NAALADL2: variants seen among roughly 807,000 people sequenced by gnomAD.
NAALADL2 encodes the protein inactive N-acetylated-alpha-linked acidic dipeptidase-like protein 2.
In NAALADL2, 76 loss-of-function variants were observed where a neutral mutation model predicts 87.2. That is an observed-to-expected ratio of 0.87 (90% CI 0.72 to 1.05). The LOEUF is 1.05. NAALADL2 is among the 50% of genes least tolerant of loss of function. The probability of loss-of-function intolerance (pLI) is 0.00; values close to 1 mark genes in which losing one functional copy is unlikely to be tolerated. For missense variants in NAALADL2, 1,089 were observed against 945.8 expected (o/e 1.15, Z -1.99); for synonymous variants, 354 against 331.0 (o/e 1.07, Z -0.75).
intron 1 of NAALADL2, among the ~76,000 whole-genome samples, chr3:174,958,478 T>G (rs1242098092): frequency 6.6e-6 from 1 of 152,004 alleles, no homozygotes; most frequent in Non-Finnish European, 1.5e-5. Flanking sequence ...ATCACCACTT[T>G]TATCCATCCC....
chr3:174,797,305 C>CTTTTTCTTTTTTTTTT (rs1718237636), intron 3 of NAALADL2, among the ~76,000 whole-genome samples: 1 of 72,720 alleles, frequency 1.4e-5, no homozygotes, highest in Non-Finnish European at 2.4e-5. Flanking sequence ...TTTCTTTTTT[C>CTTTTTCTTTTTTTTTT]TTTTTTTTTT....
intron 2 of NAALADL2, among the ~76,000 whole-genome samples, chr3:175,118,615 T>G (rs1215037311): frequency 6.6e-6 from 1 of 151,702 alleles, no homozygotes; most frequent in African/African-American, 2.4e-5. Context: ...GTTGTCTCTT[T>G]TATTCAATAC....
At chr3:175,438,520 G>A (rs1719138085) in intron 5 of NAALADL2, among the ~76,000 whole-genome samples, 1 of 152,086 alleles carries the variant, frequency 6.6e-6, no homozygotes, top group Non-Finnish European at 1.5e-5. Context: ...TTCAATTGAT[G>A]TTTGGGTCAT....
chr3:174,568,716 T>C (rs1016525618), intron 2 of NAALADL2, among the ~76,000 whole-genome samples: 1 of 151,806 alleles, frequency 6.6e-6, no homozygotes, highest in African/African-American at 2.4e-5. Flanking sequence ...TGTAAGTCCA[T>C]ATGGGGAGGA....
At chr3:175,267,770 A>T (rs1206530084) in intron 4 of NAALADL2, among the ~76,000 whole-genome samples, 1 of 152,124 alleles carries the variant, frequency 6.6e-6, no homozygotes, top group Non-Finnish European at 1.5e-5. Context: ...CTTAAAATGA[A>T]TTTCCAACCT....
chr3:174,884,945 A>T (rs376024241), intron 1 of NAALADL2, among the ~76,000 whole-genome samples: 6 of 152,084 alleles, frequency 3.9e-5, no homozygotes, highest in Non-Finnish European at 8.8e-5. Flanking sequence ...AAACTGCCTC[A>T]GGGGAGGCCA....
rs35861742 is a variant in NAALADL2 at position 174,450,020 on chromosome 3, T to TACAC, written c.-184+9012_-184+9015dup. The stretch of plus-strand genomic sequence containing the variant: ...CACATATATATACACAACACATACA[T>TACAC]ACACACACACACACACACACACACA... On this transcript the variant is annotated intron_variant, in intron 1 of 3. Coordinates refer to the NAALADL2 transcript ENST00000434257. Among the ~76,000 whole-genome samples, 550 of 148,886 alleles carry TACAC rather than the reference T, an allele frequency of 3.7e-3. 1 individual carries two copies. Among genetic ancestry groups the TACAC allele is most frequent in the Non-Finnish European group, 4.2e-3 (280 of 66,870 alleles).
At chr3:174,960,036 G>T (rs573240797) in intron 1 of NAALADL2, among the ~76,000 whole-genome samples, 1 of 152,160 alleles carries the variant, frequency 6.6e-6, no homozygotes, top group East Asian at 1.9e-4. Flanking sequence ...TGGGAGTCTT[G>T]TGGGGGCAAA....
intron 1 of NAALADL2, among the ~76,000 whole-genome samples, chr3:174,503,655 A>G (rs1180246478): frequency 6.6e-6 from 1 of 152,140 alleles, no homozygotes; most frequent in Non-Finnish European, 1.5e-5. Context: ...TAGAAATGCT[A>G]TGCATGCAAT....
chr3:175,627,321 T>C lies in NAALADL2; in HGVS notation c.1831T>C (p.Ser611Pro), dbSNP rs1367918632. Reference sequence around the variant, plus strand: ...AAGTTTTCTCTCCGAGGCCCGTTTTTCTACACGAGCAACAAAAATTGAAGA... The same window carrying C: ...AAGTTTTCTCTCCGAGGCCCGTTTTCCTACACGAGCAACAAAAATTGAAGA... Reference protein sequence around the residue: ...GPSFLSEARFSTRATKIEEMD... With the variant: ...GPSFLSEARFPTRATKIEEMD... Residue 611 changes from serine to proline, a missense_variant, in exon 11 of 14, where the codon TCT (serine) becomes CCT (proline). Coordinates refer to ENST00000454872, the MANE Select transcript of NAALADL2 (RefSeq NM_207015.3). 6.4e-7 allele frequency: 1 copy of C among 1,571,818 alleles called. No individual in the cohort carries two copies. The highest frequency in any genetic ancestry group is 1.8e-5 in the Admixed American group (1 of 54,684).
intron 2 of NAALADL2, among the ~76,000 whole-genome samples, chr3:175,100,754 G>A (rs9816732): frequency 0.22 from 32,771 of 150,028 alleles, 4,853 homozygotes; most frequent in African/African-American, 0.42. Flanking sequence ...AGGGAGAATC[G>A]CTTGAACTCG....
intron 1 of NAALADL2, among the ~76,000 whole-genome samples, chr3:174,989,474 G>T (rs1055470419): frequency 1.3e-5 from 2 of 152,126 alleles, no homozygotes; most frequent in African/African-American, 4.8e-5. Flanking sequence ...AGAAAATATT[G>T]TAATGAACAA....
intron 10 of NAALADL2, among the ~76,000 whole-genome samples, chr3:175,598,877 G>A (rs1722585487): frequency 6.6e-6 from 1 of 152,074 alleles, no homozygotes; most frequent in African/African-American, 2.4e-5. Flanking sequence ...AATTCCCCTG[G>A]ACACTCGTTT....
chr3:175,384,375 T>C (rs1435049611), intron 5 of NAALADL2, among the ~76,000 whole-genome samples: 4 of 152,088 alleles, frequency 2.6e-5, no homozygotes, highest in African/African-American at 9.6e-5. Context: ...TTTCTTGGAA[T>C]GTTATATTGG....
At chr3:174,969,576 C>T (rs1402969135) in intron 1 of NAALADL2, among the ~76,000 whole-genome samples, 1 of 151,994 alleles carries the variant, frequency 6.6e-6, no homozygotes, top group African/African-American at 2.4e-5. Flanking sequence ...AACTAAAATC[C>T]CATAATACAG....
intron 1 of NAALADL2, among the ~76,000 whole-genome samples, chr3:175,064,263 A>G (rs1459422897): frequency 6.6e-6 from 1 of 151,974 alleles, no homozygotes; most frequent in African/African-American, 2.4e-5. Context: ...AAAAAAAAGA[A>G]AAACGACAAC....
At chr3:175,162,153 G>A (rs1733322044) in intron 2 of NAALADL2, among the ~76,000 whole-genome samples, 1 of 151,956 alleles carries the variant, frequency 6.6e-6, no homozygotes, top group Non-Finnish European at 1.5e-5. Flanking sequence ...ACTGAGTTTT[G>A]GGTAAAAGGC....
At position 175,256,146 on chromosome 3, in the gene NAALADL2, A is replaced by G. The variant is rs147805909; in HGVS notation, c.820-265A>G. On this transcript the variant is annotated intron_variant, in intron 3 of 13. Coordinates refer to ENST00000454872, the MANE Select transcript of NAALADL2 (RefSeq NM_207015.3). ...AATATCCCAAATGTCTGTTAGAAGA[A>G]TGAACTGTGTTTGTAATTTTTTAGA... 1.8e-4 allele frequency among the ~76,000 whole-genome samples: 28 copies of G among 152,324 alleles called. No homozygotes were observed. The East Asian group carries it at 2.1e-3, about 12-fold the overall frequency.
chr3:174,462,376 G>A (rs906607544), intron 1 of NAALADL2, among the ~76,000 whole-genome samples: 4 of 152,046 alleles, frequency 2.6e-5, no homozygotes, highest in African/African-American at 9.7e-5. Flanking sequence ...TCACAAATCT[G>A]TTGAAATCAG....
Sources: allele counts gnomAD v4.1 joint callset (sites outside exome capture counted in the v4.1 genomes callset), GRCh38; gene constraint gnomAD v4.1.1; transcripts MANE v1.5; gene names NCBI Gene and HGNC (gene_info 2026-07-23, HGNC 2026-07-21).